Variants in FBXL2 observed in about 807,000 individuals in gnomAD.
The protein encoded by FBXL2 is F-box/LRR-repeat protein 2.
FBXL2 carries 38 observed loss-of-function variants against 69.2 expected under a neutral mutation model. That is an observed-to-expected ratio of 0.55 (90% CI 0.42 to 0.72). The LOEUF is 0.72. Ranked by LOEUF, FBXL2 falls within the 30% of genes least tolerant of loss-of-function variation. The probability of loss-of-function intolerance (pLI) is 0.00; values close to 1 mark genes in which losing one functional copy is unlikely to be tolerated. For missense variants in FBXL2, 354 were observed against 520.3 expected (o/e 0.68, Z 3.11); for synonymous variants, 192 against 201.3 (o/e 0.95, Z 0.39).
At chr3:33,342,843 C>T (rs545947246) in intron 2 of FBXL2, among the ~76,000 whole-genome samples, 20 of 146,766 alleles carry the variant, frequency 1.4e-4, no homozygotes, top group African/African-American at 5.0e-4. Flanking sequence ...CTGCCTCAGC[C>T]TCCCGAGTAG....
Position 33,323,264 on chromosome 3 carries a change from A to G in FBXL2, c.65+25539A>G, listed in dbSNP as rs1385460773. ...CAGTTTTCTAACTGGAAAATTTCACATTTCTCATCTATCAGTTGACTTACA... is the reference window on the plus strand; with the variant it reads ...CAGTTTTCTAACTGGAAAATTTCACGTTTCTCATCTATCAGTTGACTTACA... On this transcript the variant is annotated intron_variant, in intron 2 of 14. Coordinates refer to ENST00000484457, the MANE Select transcript of FBXL2 (RefSeq NM_012157.5). 2.0e-5 allele frequency among the ~76,000 whole-genome samples: 3 copies of G among 152,102 alleles called. No homozygotes were observed. In the East Asian group the frequency reaches 5.8e-4, roughly 29 times the overall value.
intron 12 of FBXL2, among the ~76,000 whole-genome samples, chr3:33,401,359 TG>T (rs1409292624): frequency 6.6e-6 from 1 of 152,094 alleles, no homozygotes; most frequent in African/African-American, 2.4e-5. Context: ...GGAAAAAATA[TG>T]AAACATCAAA....
At chr3:33,287,242 A>C (rs950415626) in intron 1 of FBXL2, among the ~76,000 whole-genome samples, 1 of 152,078 alleles carries the variant, frequency 6.6e-6, no homozygotes, top group Non-Finnish European at 1.5e-5. Flanking sequence ...TTTATATGAG[A>C]TCTATGTTAA....
intron 2 of FBXL2, among the ~76,000 whole-genome samples, chr3:33,330,910 C>A (rs1012475966): frequency 6.8e-6 from 1 of 147,830 alleles, no homozygotes; most frequent in African/African-American, 2.5e-5. Context: ...CACACACACA[C>A]ACAAACACAC....
Position 33,281,730 on chromosome 3 carries a change from C to T in FBXL2, c.3+4215C>T, listed in dbSNP as rs569134323. On this transcript the variant is annotated intron_variant, in intron 1 of 14. Transcript: ENST00000484457. Reference sequence around the variant, plus strand: ...TGTTGTTTCCTGACTTTTTAATGATCGCCATTCTAACTGGTGTGAGATGGT... The same window carrying T: ...TGTTGTTTCCTGACTTTTTAATGATTGCCATTCTAACTGGTGTGAGATGGT... 1.7e-3 allele frequency among the ~76,000 whole-genome samples: 263 copies of T among 151,802 alleles called. 1 individual carries two copies. Among genetic ancestry groups the T allele is most frequent in the African/African-American group, 5.6e-3 (231 of 41,392 alleles).
intron 2 of FBXL2, among the ~76,000 whole-genome samples, chr3:33,311,038 A>G (rs1055889273): frequency 1.3e-5 from 2 of 152,134 alleles, no homozygotes; most frequent in Non-Finnish European, 1.5e-5. Flanking sequence ...CGGCCTCCCA[A>G]AGTGTTGGAA....
At chr3:33,285,348 T>C (rs1308457251) in intron 1 of FBXL2, among the ~76,000 whole-genome samples, 3 of 152,216 alleles carry the variant, frequency 2.0e-5, no homozygotes, top group African/African-American at 7.2e-5. Flanking sequence ...TTCTTTTCTT[T>C]AAAAATGTTG....
chr3:33,370,712 C>T (rs2042243437), intron 5 of FBXL2, among the ~76,000 whole-genome samples: 1 of 152,014 alleles, frequency 6.6e-6, no homozygotes, highest in Non-Finnish European at 1.5e-5. Flanking sequence ...ACCTCCTGAG[C>T]TCAAGTGATC....
chr3:33,309,079 CT>C, intron 2 of FBXL2, among the ~76,000 whole-genome samples: 1 of 152,210 alleles, frequency 6.6e-6, no homozygotes, highest in South Asian at 2.1e-4. Flanking sequence ...CAAAATATGT[CT>C]GTTAGGTCCT....
intron 12 of FBXL2, chr3:33,400,370 G>T: frequency 9.8e-7 from 1 of 1,018,992 alleles, no homozygotes; most frequent in Non-Finnish European, 1.4e-6. Context: ...GGAGTCTGAA[G>T]TAAAAAACAC....
At chr3:33,346,599 TAAA>T (rs1322634134) in intron 2 of FBXL2, among the ~76,000 whole-genome samples, 1 of 151,806 alleles carries the variant, frequency 6.6e-6, no homozygotes, top group African/African-American at 2.4e-5. Context: ...CTTTAAAAAA[TAAA>T]AAGGAGTAGA....
chr3:33,415,345 T>C, the FBXL2 span, among the ~76,000 whole-genome samples: 5 of 152,222 alleles, frequency 3.3e-5, no homozygotes, highest in African/African-American at 1.2e-4. Flanking sequence ...TGTTATATTT[T>C]CCTCAGAACA....
downstream of FBXL2, among the ~76,000 whole-genome samples, chr3:33,405,309 A>T (rs903644474): frequency 1.3e-5 from 2 of 152,216 alleles, no homozygotes; most frequent in Admixed American, 1.3e-4. Flanking sequence ...GATTTAATGA[A>T]TTTTTTGAAT....
downstream of FBXL2, chr3:33,390,628 G>A: frequency 1.9e-6 from 1 of 531,324 alleles, no homozygotes; most frequent in Non-Finnish European, 3.4e-6. Flanking sequence ...CAGTTCTGGG[G>A]GTAGGGGGAC....
intron 2 of FBXL2, among the ~76,000 whole-genome samples, chr3:33,325,473 C>T (rs567743675): frequency 6.6e-6 from 1 of 152,254 alleles, no homozygotes; most frequent in African/African-American, 2.4e-5. Context: ...TCCATCATTA[C>T]CTAGTTTACT....
intron 2 of FBXL2, among the ~76,000 whole-genome samples, chr3:33,327,760 AG>A (rs1164850240): frequency 6.6e-6 from 1 of 152,162 alleles, no homozygotes; most frequent in Non-Finnish European, 1.5e-5. Flanking sequence ...TGAACCATAA[AG>A]GCTTTTTCTC....
chr3:33,400,088 A>G (rs1436730054), intron 12 of FBXL2: 1 of 674,290 alleles, frequency 1.5e-6, no homozygotes, highest in Non-Finnish European at 2.2e-6. Context: ...GCAACTTCCT[A>G]TCCATAGTTA....
At chr3:33,392,793 C>T (rs985743669), downstream of FBXL2, 3 of 573,220 alleles carry the variant, frequency 5.2e-6, no homozygotes, top group African/African-American at 1.9e-5. Flanking sequence ...CTTGTGTTCA[C>T]TATGCCTGTC....
chr3:33,277,688 A>G (rs1470082303), intron 1 of FBXL2, among the ~76,000 whole-genome samples, 173 bp downstream of exon 1: 3 of 151,892 alleles, frequency 2.0e-5, no homozygotes, highest in Non-Finnish European at 4.4e-5. Context: ...GGGAGGGGTA[A>G]CCTGGGGGAT....
Sources: gnomAD v4.1 joint callset for allele counts (sites outside exome capture counted in the v4.1 genomes callset) on GRCh38, gnomAD v4.1.1 for gene constraint, MANE v1.5 for transcripts, NCBI Gene and HGNC (gene_info 2026-07-23, HGNC 2026-07-21) for gene names.